Variants in DLC1 observed in about 807,000 individuals in gnomAD.
DLC1 encodes rho GTPase-activating protein 7.
In DLC1, 54 loss-of-function variants were observed where a neutral mutation model predicts 140.3. The ratio of observed to expected loss-of-function variants is 0.38; its 90% CI spans 0.31 to 0.48. DLC1 has a LOEUF of 0.48. Among genes scored for constraint, DLC1 ranks in the 20% least tolerant of loss-of-function variants. DLC1 has a pLI of 0.96. For synonymous variants in DLC1, 986 were observed against 728.1 expected, an observed-to-expected ratio of 1.35 and a Z score of -5.70; for missense variants, 2,536 against 1,907.0, an observed-to-expected ratio of 1.33 and a Z score of -6.14.
intron 1 of DLC1, among the ~76,000 whole-genome samples, chr8:13,500,413 A>G (rs562243459): frequency 2.3e-4 from 35 of 152,352 alleles, no homozygotes; most frequent in African/African-American, 5.3e-4. Context: ...CAATACTTTT[A>G]AAGGCATTTA....
chr8:13,221,648 G>T lies in DLC1; in HGVS notation c.1348+83621C>A, dbSNP rs1468678274. Among the ~76,000 whole-genome samples, 5 of 148,646 alleles carry T rather than the reference G, an allele frequency of 3.4e-5. No homozygotes were observed. The East Asian group carries it at 7.9e-4, about 23-fold the overall frequency. On this transcript the variant is annotated intron_variant, in intron 5 of 17. Transcript: ENST00000276297. ...GGCCTCCCAAAGTGCTGGGATTACG[G>T]GTGTGAGCCACCATGCCTGGCCCCA...
chr8:13,104,034 C>G (rs1488364410), intron 7 of DLC1, among the ~76,000 whole-genome samples: 1 of 152,076 alleles, frequency 6.6e-6, no homozygotes, highest in African/African-American at 2.4e-5. Context: ...TAATCTTGGA[C>G]AGCCTGTCTA....
At chr8:13,291,312 A>C (rs1459809728) in intron 5 of DLC1, among the ~76,000 whole-genome samples, 2 of 152,248 alleles carry the variant, frequency 1.3e-5, no homozygotes, top group Admixed American at 1.3e-4. Flanking sequence ...CTTAAGGCTT[A>C]TAATAGAGAA....
intron 5 of DLC1, among the ~76,000 whole-genome samples, chr8:13,179,749 C>A (rs576126227): frequency 6.6e-6 from 1 of 151,938 alleles, no homozygotes; most frequent in South Asian, 2.1e-4. Context: ...AGAAAAAACA[C>A]CCCAGGAAGC....
Position 13,120,356 on chromosome 8 carries a change from A to AATATATATATATATAT in DLC1, c.1349-4700_1349-4699insATATATATATATATAT, listed in dbSNP as rs1554577907. Among the ~76,000 whole-genome samples the AATATATATATATATAT allele has an allele frequency of 5.7e-3, 345 of 60,444 alleles. 4 individuals are homozygous for AATATATATATATATAT. Among genetic ancestry groups the AATATATATATATATAT allele is most frequent in the Admixed American group, 0.026 (97 of 3,708 alleles). 39.7% of individuals were successfully genotyped at this position (60,444 alleles called of 152,430 possible). ...AGACTCCGTCGCAAAAAAAAAAAAAAATATATATATATATAAAATGTATAT... is the reference window on the plus strand; with the variant it reads ...AGACTCCGTCGCAAAAAAAAAAAAAAATATATATATATATATATATATATATATATAAAATGTATAT... On this transcript the variant is annotated intron_variant, in intron 5 of 17. Transcript: ENST00000276297.
intron 5 of DLC1, 88 bp downstream of exon 5, chr8:13,305,181 T>C (rs756160274): frequency 1.4e-5 from 21 of 1,540,672 alleles, no homozygotes; most frequent in Non-Finnish European, 1.4e-5. Context: ...GATGTATACA[T>C]TTTATATATT....
chr8:13,553,803 C>G (rs1330074285), intron 1 of DLC1, among the ~76,000 whole-genome samples: 1 of 152,142 alleles, frequency 6.6e-6, no homozygotes, highest in East Asian at 1.9e-4. Flanking sequence ...TCAAGGTCAC[C>G]CAAGTCCTCC....
chr8:13,217,503 A>G, intron 5 of DLC1, among the ~76,000 whole-genome samples: 1 of 152,136 alleles, frequency 6.6e-6, no homozygotes, highest in Non-Finnish European at 1.5e-5. Flanking sequence ...TAGGCTGTGA[A>G]CATTTTGAGG....
chr8:13,598,372 G>GCAGCACATGCAT (rs1805751523), intron 1 of DLC1, among the ~76,000 whole-genome samples: 1 of 151,398 alleles, frequency 6.6e-6, no homozygotes, highest in Non-Finnish European at 1.5e-5. Context: ...CTGTCTCTGT[G>GCAGCACATGCAT]GGGACCACTT....
intron 1 of DLC1, among the ~76,000 whole-genome samples, chr8:13,551,306 A>G (rs139921462): frequency 9.2e-5 from 14 of 152,222 alleles, no homozygotes; most frequent in African/African-American, 3.4e-4. Flanking sequence ...ATGTGCACAC[A>G]TATCTCTGGG....
chr8:13,598,361 C>G (rs1016416541), intron 1 of DLC1, among the ~76,000 whole-genome samples: 5 of 152,102 alleles, frequency 3.3e-5, no homozygotes, highest in South Asian at 2.1e-4. Flanking sequence ...GGTGTCTCTA[C>G]CTGTCTCTGT....
At chr8:13,535,507 G>A (rs1473139526) in intron 1 of DLC1, among the ~76,000 whole-genome samples, 1 of 151,530 alleles carries the variant, frequency 6.6e-6, no homozygotes, top group Admixed American at 6.6e-5. Context: ...GTTGACAAGG[G>A]CAAATTTTAA....
intron 5 of DLC1, among the ~76,000 whole-genome samples, chr8:13,228,941 G>C (rs1274287737): frequency 6.6e-6 from 1 of 152,188 alleles, no homozygotes; most frequent in African/African-American, 2.4e-5. Context: ...ATTATAACAA[G>C]TGTTGGTAAG....
chr8:13,413,256 A>ATTTTTTTTTTGTTTTTTTTTTTTTTTTT (rs1837876248), intron 2 of DLC1, among the ~76,000 whole-genome samples: 1 of 82,006 alleles, frequency 1.2e-5, no homozygotes, highest in Non-Finnish European at 2.3e-5. Context: ...TTTTTTTGCG[A>ATTTTTTTTTTGTTTTTTTTTTTTTTTTT]TTTTTTTTTT....
At chr8:13,086,196 G>T (rs1817542719) in intron 17 of DLC1, 94 bp downstream of exon 17, 2 of 1,479,106 alleles carry the variant, frequency 1.4e-6, no homozygotes, top group East Asian at 2.3e-5. Flanking sequence ...AAGAAAAAAT[G>T]ACGTGTTTGT....
chr8:13,086,188 G>GA (rs1192847871), intron 17 of DLC1, 102 bp downstream of exon 17: 21 of 1,466,630 alleles, frequency 1.4e-5, no homozygotes, highest in Admixed American at 4.5e-5. Context: ...AAGTCACCAA[G>GA]AAAAAATGAC....
chr8:13,565,021 A>G (rs771413527), intron 1 of DLC1, among the ~76,000 whole-genome samples: 1 of 152,198 alleles, frequency 6.6e-6, no homozygotes, highest in Non-Finnish European at 1.5e-5. Flanking sequence ...ATTACTCTTC[A>G]TATTTGTTTA....
At chr8:13,152,660 A>C (rs971097915) in intron 5 of DLC1, among the ~76,000 whole-genome samples, 1 of 151,954 alleles carries the variant, frequency 6.6e-6, no homozygotes, top group Non-Finnish European at 1.5e-5. Context: ...TAATAAAATT[A>C]GCCAGGGACA....
intron 15 of DLC1, among the ~76,000 whole-genome samples, chr8:13,089,450 C>A (rs1232706439): frequency 6.6e-6 from 1 of 151,868 alleles, no homozygotes; most frequent in Non-Finnish European, 1.5e-5. Flanking sequence ...TATGGTGAAA[C>A]CCCGTCTCTA....
Sources: gnomAD v4.1 joint callset for allele counts (sites outside exome capture counted in the v4.1 genomes callset) on GRCh38, gnomAD v4.1.1 for gene constraint, MANE v1.5 for transcripts, NCBI Gene and HGNC (gene_info 2026-07-23, HGNC 2026-07-21) for gene names.